Variants in RBPMS observed in about 807,000 individuals in gnomAD.
RBPMS encodes the protein RNA binding protein, mRNA processing factor, also known as RNA-binding protein with multiple splicing.
Under a neutral mutation model 26.8 loss-of-function variants are expected in RBPMS, and 7 were observed. The ratio of observed to expected loss-of-function variants is 0.26; its 90% CI spans 0.15 to 0.49. The LOEUF is 0.49. Among genes scored for constraint, RBPMS ranks in the 20% least tolerant of loss-of-function variants. RBPMS has a pLI of 0.98. For synonymous variants in RBPMS, 96 were observed against 93.3 expected (o/e 1.03, Z -0.17); for missense variants, 186 against 250.0 (o/e 0.74, Z 1.73).
intron 1 of RBPMS, among the ~76,000 whole-genome samples, chr8:30,385,717 G>A (rs1806983217): frequency 6.6e-6 from 1 of 152,172 alleles, no homozygotes; most frequent in Non-Finnish European, 1.5e-5. Context: ...CCGAGCCTGG[G>A]CGGTGAACGC....
intron 5 of RBPMS, among the ~76,000 whole-genome samples, chr8:30,533,175 C>T (rs996580480): frequency 1.3e-5 from 2 of 152,154 alleles, no homozygotes; most frequent in Non-Finnish European, 2.9e-5. Context: ...AGTTATTCAT[C>T]CATTTTGTGG....
At chr8:30,558,822 C>T (rs1413395884) in intron 6 of RBPMS, 65 bp from the exon 7 acceptor site, 5 of 1,372,862 alleles carry the variant, frequency 3.6e-6, no homozygotes, top group Admixed American at 3.4e-5. Context: ...CCAAGCAGGA[C>T]CCTCCGTGAG....
intron 5 of RBPMS, among the ~76,000 whole-genome samples, chr8:30,518,373 G>A (rs1440610016): frequency 6.6e-6 from 1 of 152,072 alleles, no homozygotes; most frequent in African/African-American, 2.4e-5. Flanking sequence ...CCTCGAGGTT[G>A]TAGGCAGTTA....
At chr8:30,471,165 A>T (rs1182646171) in intron 1 of RBPMS, among the ~76,000 whole-genome samples, 1 of 152,234 alleles carries the variant, frequency 6.6e-6, no homozygotes, top group African/African-American at 2.4e-5. Flanking sequence ...ACATTTGAGT[A>T]CACATACTAT....
intron 1 of RBPMS, among the ~76,000 whole-genome samples, chr8:30,467,231 A>G (rs1816604395): frequency 6.6e-6 from 1 of 152,236 alleles, no homozygotes; most frequent in African/African-American, 2.4e-5. Context: ...TTCTTTGGAA[A>G]TGAGATGACC....
At chr8:30,565,831 CCCA>C (rs2151095331) in intron 7 of RBPMS, 1 of 152,600 alleles carries the variant, frequency 6.6e-6, no homozygotes, top group South Asian at 2.1e-4. Context: ...GGCCTCAGGT[CCCA>C]TGCCTTTCCT....
intron 5 of RBPMS, among the ~76,000 whole-genome samples, chr8:30,528,006 T>C (rs2151002613): frequency 6.6e-6 from 1 of 152,174 alleles, no homozygotes; most frequent in African/African-American, 2.4e-5. Context: ...TGAAACCCCG[T>C]CTCTACTAAT....
chr8:30,523,580 C>T (rs1823276247), intron 5 of RBPMS, among the ~76,000 whole-genome samples: 1 of 149,692 alleles, frequency 6.7e-6, no homozygotes, highest in Admixed American at 6.7e-5. Flanking sequence ...TCTAGTGTGC[C>T]AGGGCTTTAG....
intron 5 of RBPMS, among the ~76,000 whole-genome samples, chr8:30,536,170 C>G (rs1227249540): frequency 6.6e-6 from 1 of 151,042 alleles, no homozygotes; most frequent in African/African-American, 2.4e-5. Flanking sequence ...TCTTGTTGCC[C>G]AGGCTGGAGT....
chr8:30,538,134 C>T (rs993439999), intron 5 of RBPMS, among the ~76,000 whole-genome samples: 1 of 152,124 alleles, frequency 6.6e-6, no homozygotes, highest in African/African-American at 2.4e-5. Context: ...AGAGCCAAGC[C>T]GAGACTTGAT....
In RBPMS at chr8:30,440,724, T is replaced by A. The variant is rs563386557; in HGVS notation, c.67-34055T>A. ...ATTTTTTGAGGTTCTCCATAGCAGC[T>A]TGCATTCCCAACAACAGTGCATAAA... On this transcript the variant is annotated intron_variant, in intron 1 of 8. Transcript: ENST00000397323. 7.2e-5 allele frequency among the ~76,000 whole-genome samples: 11 copies of A among 152,276 alleles called. No individual in the cohort carries two copies. The South Asian group carries it at 1.5e-3, about 20-fold the overall frequency.
intron 5 of RBPMS, among the ~76,000 whole-genome samples, chr8:30,520,438 C>T (rs905016275): frequency 3.3e-5 from 5 of 151,974 alleles, no homozygotes; most frequent in South Asian, 2.1e-4. Flanking sequence ...TTCAGTATAC[C>T]GCAGTCATTA....
rs367718136 is a variant in RBPMS, at chr8:30,412,128, T to G, written c.66+26970T>G. 3.9e-5 allele frequency among the ~76,000 whole-genome samples: 6 copies of G among 152,366 alleles called. No individual in the cohort carries two copies. The East Asian group carries it at 7.7e-4, about 20-fold the overall frequency. On this transcript the variant is annotated intron_variant, in intron 1 of 8. Transcript: ENST00000397323. ...GAACATGGTGCCTACTAGGAAGGGCTGCCAGCTCCTTACACACCTTGCTAT... is the reference window on the plus strand; with the variant it reads ...GAACATGGTGCCTACTAGGAAGGGCGGCCAGCTCCTTACACACCTTGCTAT...
Position 30,508,425 on chromosome 8 carries a change from A to C in RBPMS, c.397+3989A>C, listed in dbSNP as rs574520910. 2.6e-5 allele frequency among the ~76,000 whole-genome samples: 4 copies of C among 152,290 alleles called. No homozygotes were observed. In the East Asian group the frequency reaches 7.7e-4, roughly 29 times the overall value. ...CTAGTTTTGTAAGTTTGGTTTAGTT[A>C]CCTAACCTCTCTGTGTCTCAGTTTT... On this transcript the variant is annotated intron_variant, in intron 5 of 8. Transcript: ENST00000397323.
chr8:30,423,993 A>G (rs1208154072), intron 1 of RBPMS, among the ~76,000 whole-genome samples: 2 of 151,982 alleles, frequency 1.3e-5, no homozygotes, highest in African/African-American at 4.8e-5. Flanking sequence ...GTGCACCACC[A>G]TGCCCGGCTC....
At chr8:30,556,333 G>A (rs1826909457) in intron 6 of RBPMS, 4 of 985,706 alleles carry the variant, frequency 4.1e-6, no homozygotes, top group Non-Finnish European at 4.8e-6. Context: ...ACGAGAGCCT[G>A]AAGACGGGCT....
chr8:30,468,173 C>A (rs1200373207), intron 1 of RBPMS, among the ~76,000 whole-genome samples: 1 of 152,038 alleles, frequency 6.6e-6, no homozygotes, highest in East Asian at 1.9e-4. Context: ...GCTTTTCTTT[C>A]CCCAAAAAAC....
chr8:30,415,522 A>G (rs558743600), intron 1 of RBPMS, among the ~76,000 whole-genome samples: 2 of 152,312 alleles, frequency 1.3e-5, no homozygotes, highest in Non-Finnish European at 2.9e-5. Context: ...ACCGAGCTTC[A>G]TTCACTTCTG....
chr8:30,446,606 A>G lies in RBPMS; in HGVS notation c.67-28173A>G, dbSNP rs78369035. Reference sequence around the variant, plus strand: ...CATAATAGGCATTTATTTCTCTCTCATGTAAAAGCCCGAAAAGTGGTCTAT... The same window carrying G: ...CATAATAGGCATTTATTTCTCTCTCGTGTAAAAGCCCGAAAAGTGGTCTAT... On this transcript the variant is annotated intron_variant, in intron 1 of 8. Coordinates refer to ENST00000397323, the MANE Select transcript of RBPMS (RefSeq NM_001008710.3). Among the ~76,000 whole-genome samples the G allele has an allele frequency of 3.7e-3, 568 of 152,250 alleles. 2 individuals carry two copies. The highest frequency in any genetic ancestry group is 0.01 in the Middle Eastern group (3 of 294).
Sources: allele counts gnomAD v4.1 joint callset (sites outside exome capture counted in the v4.1 genomes callset), GRCh38; gene constraint gnomAD v4.1.1; transcripts MANE v1.5; gene names NCBI Gene and HGNC (gene_info 2026-07-23, HGNC 2026-07-21).